SLC9A9: variants seen among roughly 807,000 people sequenced by gnomAD.
SLC9A9 encodes the protein solute carrier family 9 member A9, also known as sodium/hydrogen exchanger 9.
A neutral mutation model predicts 77.8 loss-of-function variants in SLC9A9; 62 were observed. The observed-to-expected ratio is 0.80, with a 90% CI of 0.65 to 0.98. SLC9A9 has a LOEUF of 0.98. Among genes scored for constraint, SLC9A9 ranks in the 50% least tolerant of loss-of-function variants. The pLI, the probability that SLC9A9 is intolerant of heterozygous loss-of-function variation, is 0.00. For synonymous variants in SLC9A9, 320 were observed against 283.5 expected, an observed-to-expected ratio of 1.13 and a Z score of -1.29; for missense variants, 775 against 774.9, an observed-to-expected ratio of 1.00 and a Z score of 0.00.
intron 9 of SLC9A9, among the ~76,000 whole-genome samples, chr3:143,540,419 A>T (rs2036668183): frequency 1.3e-5 from 2 of 152,210 alleles, no homozygotes; most frequent in Admixed American, 1.3e-4. Context: ...GGGTTGTAGT[A>T]AAGCAGGGAA....
intron 6 of SLC9A9, among the ~76,000 whole-genome samples, chr3:143,637,537 T>C (rs1190740302): frequency 6.6e-6 from 1 of 152,222 alleles, no homozygotes. Context: ...CCCTGTTTTG[T>C]AGATATAATA....
rs1937734406 is a variant in SLC9A9, at chr3:143,266,734, C to G, written c.1906G>C (p.Glu636Gln). 6.2e-7 allele frequency: 1 copy of G among 1,614,168 alleles called. No individual in the cohort carries two copies. Among genetic ancestry groups the G allele is most frequent in the Non-Finnish European group, 8.5e-7 (1 of 1,180,032 alleles). ...LGLGGYELKL[E>Q]QTLGQSQLN The stretch of plus-strand genomic sequence containing the variant: ...AACTGGGATTGACCCAAAGTTTGCT[C>G]AAGCTTGAGTTCATAGCCTCCCAGG... The change falls in exon 16 of 16, where the codon GAG (glutamate) becomes CAG (glutamine). Residue 636 changes from glutamate (E) to glutamine (Q), a missense_variant. Physicochemically the swap from Glu to Gln is conservative, Grantham distance 29. Transcript: ENST00000316549.
At chr3:143,302,265 G>A (rs987776248) in intron 14 of SLC9A9, among the ~76,000 whole-genome samples, 1 of 152,162 alleles carries the variant, frequency 6.6e-6, no homozygotes, top group Admixed American at 6.5e-5. Context: ...AGTATATACA[G>A]GCAATAGGCT....
intron 9 of SLC9A9, among the ~76,000 whole-genome samples, chr3:143,501,722 C>A (rs2035926719): frequency 6.6e-6 from 1 of 150,946 alleles, no homozygotes; most frequent in Non-Finnish European, 1.5e-5. Context: ...GATTAGCACT[C>A]CTTTTGTCTA....
At chr3:143,311,466 A>T (rs2031016203) in intron 14 of SLC9A9, among the ~76,000 whole-genome samples, 1 of 152,206 alleles carries the variant, frequency 6.6e-6, no homozygotes, top group Admixed American at 6.5e-5. Context: ...TGATAATGCA[A>T]GTTGTCCAGG....
chr3:143,705,974 T>C (rs569920964), intron 4 of SLC9A9, among the ~76,000 whole-genome samples: 1 of 152,324 alleles, frequency 6.6e-6, no homozygotes, highest in Admixed American at 6.5e-5. Flanking sequence ...GGTCAGATCA[T>C]ATCCACAGAA....
chr3:143,419,434 A>C (rs552390987), intron 12 of SLC9A9, among the ~76,000 whole-genome samples: 1 of 152,316 alleles, frequency 6.6e-6, no homozygotes, highest in East Asian at 1.9e-4. Context: ...TCTTGAAAAT[A>C]AGGTAAAACA....
chr3:143,629,606 G>C (rs2038387991), intron 6 of SLC9A9, among the ~76,000 whole-genome samples: 1 of 151,442 alleles, frequency 6.6e-6, no homozygotes, highest in Non-Finnish European at 1.5e-5. Flanking sequence ...TGTGTGTAGT[G>C]GGGGGCAAGG....
In SLC9A9 at chr3:143,734,907, C is replaced by A. The variant is rs115710726; in HGVS notation, c.534-41600G>T. On this transcript the variant is annotated intron_variant, in intron 4 of 15. Coordinates refer to ENST00000316549, the MANE Select transcript of SLC9A9 (RefSeq NM_173653.4). ...TGGCTAAAGAAAATCCCAGGTAAGT[C>A]TCTTGTGGCTAAGGCATAATAAAGA... Among the ~76,000 whole-genome samples, 503 of 152,218 alleles carry A rather than the reference C, an allele frequency of 3.3e-3. 5 individuals are homozygous for A. Among genetic ancestry groups the A allele is most frequent in the African/African-American group, 0.011 (472 of 41,526 alleles).
chr3:143,503,176 G>A (rs1298939412), intron 9 of SLC9A9: 1 of 175,344 alleles, frequency 5.7e-6, no homozygotes, highest in Non-Finnish European at 1.2e-5. Flanking sequence ...TCTAGAAGGG[G>A]AGATTCTCAG....
chr3:143,625,270 A>C (rs998416547), intron 6 of SLC9A9, among the ~76,000 whole-genome samples: 12 of 152,348 alleles, frequency 7.9e-5, no homozygotes, highest in African/African-American at 2.6e-4. Flanking sequence ...ACTACTTTAA[A>C]GTTCATATGG....
chr3:143,772,708 T>C (rs1004513467), intron 4 of SLC9A9, among the ~76,000 whole-genome samples: 2 of 152,160 alleles, frequency 1.3e-5, no homozygotes. Context: ...ATAAGCTGAG[T>C]GGTTGCCCCA....
intron 8 of SLC9A9, among the ~76,000 whole-genome samples, chr3:143,555,868 G>A (rs182825853): frequency 9.2e-5 from 14 of 152,296 alleles, no homozygotes; most frequent in Non-Finnish European, 1.3e-4. Context: ...AACAAACAGT[G>A]GAGAATGAGC....
intron 12 of SLC9A9, among the ~76,000 whole-genome samples, chr3:143,456,770 G>A (rs1261344866): frequency 6.6e-6 from 1 of 151,852 alleles, no homozygotes; most frequent in Admixed American, 6.6e-5. Flanking sequence ...TCACCATCTT[G>A]GCCAGGCTGG....
Position 143,839,778 on chromosome 3 carries a change from T to C in SLC9A9, c.176-7557A>G, listed in dbSNP as rs111764731. On this transcript the variant is annotated intron_variant, in intron 1 of 15. Coordinates refer to ENST00000316549, the MANE Select transcript of SLC9A9 (RefSeq NM_173653.4). ...TCTTAGGAAGTTGACAGAAGAAACATAGAAATAGAGATGTCTAACTAGACG... is the reference window on the plus strand; with the variant it reads ...TCTTAGGAAGTTGACAGAAGAAACACAGAAATAGAGATGTCTAACTAGACG... 3.7e-3 allele frequency among the ~76,000 whole-genome samples: 568 copies of C among 152,276 alleles called. 5 individuals are homozygous for C. The highest frequency in any genetic ancestry group is 0.013 in the African/African-American group (546 of 41,548).
rs553073697 is a variant in SLC9A9 at position 143,555,950 on chromosome 3, T to G, written c.1001-3500A>C. Among the ~76,000 whole-genome samples the G allele has an allele frequency of 8.6e-4, 131 of 152,340 alleles. 1 individual carries two copies. Among genetic ancestry groups the G allele is most frequent in the African/African-American group, 2.9e-3 (119 of 41,586 alleles). On this transcript the variant is annotated intron_variant, in intron 8 of 15. Coordinates refer to ENST00000316549, the MANE Select transcript of SLC9A9 (RefSeq NM_173653.4). ...ATTGATCTGACCCTTAGTATTAGCA[T>G]ACACAATCATAATTCCATAGCTTAG...
intron 14 of SLC9A9, among the ~76,000 whole-genome samples, chr3:143,332,475 AT>A (rs1351643979): frequency 6.6e-6 from 1 of 152,250 alleles, no homozygotes; most frequent in Non-Finnish European, 1.5e-5. Flanking sequence ...TGGAGAATGA[AT>A]TAGAGTGGGG....
intron 12 of SLC9A9, among the ~76,000 whole-genome samples, chr3:143,417,008 A>G (rs2034207552): frequency 6.6e-6 from 1 of 152,164 alleles, no homozygotes; most frequent in African/African-American, 2.4e-5. Context: ...AGGATAAAGA[A>G]GAGGTAGTTA....
chr3:143,834,476 T>C (rs2009516830), intron 1 of SLC9A9, among the ~76,000 whole-genome samples: 1 of 151,404 alleles, frequency 6.6e-6, no homozygotes, highest in Non-Finnish European at 1.5e-5. Context: ...TTTCTACTTC[T>C]ACAAAGACGG....
Sources: gnomAD v4.1 joint callset for allele counts (sites outside exome capture counted in the v4.1 genomes callset) on GRCh38, gnomAD v4.1.1 for gene constraint, MANE v1.5 for transcripts, NCBI Gene and HGNC (gene_info 2026-07-23, HGNC 2026-07-21) for gene names.